The following CLIP1 variants were observed in gnomAD, a reference collection of about 807,000 sequenced individuals.
CLIP1 encodes the protein CAP-Gly domain-containing linker protein 1.
Under a neutral mutation model 161.6 loss-of-function variants are expected in CLIP1, and 66 were observed. The ratio of observed to expected loss-of-function variants is 0.41; its 90% CI spans 0.33 to 0.50. The LOEUF (loss-of-function observed/expected upper bound fraction) is 0.50, where lower values mean the gene tolerates loss of function less well. Among genes scored for constraint, CLIP1 ranks in the 20% least tolerant of loss-of-function variants. CLIP1 has a pLI of 0.27. For missense variants in CLIP1, 1,376 were observed against 1,702.0 expected (o/e 0.81, Z 3.37); for synonymous variants, 598 against 626.2 (o/e 0.96, Z 0.67).
At chr12:122,322,683 GTTGA>G (rs1049943365) in intron 17 of CLIP1, 3 of 152,708 alleles carry the variant, frequency 2.0e-5, no homozygotes, top group African/African-American at 7.2e-5. Context: ...CTCCCGTGAA[GTTGA>G]TTGTTTTCGT....
intron 1 of CLIP1, among the ~76,000 whole-genome samples, chr12:122,410,738 C>T (rs1262237901): frequency 6.6e-6 from 1 of 152,070 alleles, no homozygotes; most frequent in Non-Finnish European, 1.5e-5. Context: ...GGATTACAGG[C>T]GTGAGCCACC....
At chr12:122,338,292 G>A (rs1009962811) in intron 11 of CLIP1, among the ~76,000 whole-genome samples, 2 of 152,088 alleles carry the variant, frequency 1.3e-5, no homozygotes, top group Non-Finnish European at 2.9e-5. Flanking sequence ...GAGGGTGACA[G>A]AACGAGACTC....
At chr12:122,390,175 A>ATATATATATAT (rs1286068924) in intron 1 of CLIP1, among the ~76,000 whole-genome samples, 1 of 58,500 alleles carries the variant, frequency 1.7e-5, no homozygotes, top group African/African-American at 2.1e-4. Flanking sequence ...AGTCTCAGAT[A>ATATATATATAT]TATATATATA....
upstream of CLIP1, chr12:122,422,725 GCCGGC>G (rs1188075566): frequency 2.0e-4 from 27 of 137,878 alleles, no homozygotes; most frequent in South Asian, 6.8e-4. Flanking sequence ...CGCCCGCCCG[GCCGGC>G]CCGGCCGGCC....
intron 21 of CLIP1, among the ~76,000 whole-genome samples, chr12:122,282,330 G>A (rs1364271733): frequency 6.6e-6 from 1 of 151,888 alleles, no homozygotes; most frequent in Non-Finnish European, 1.5e-5. Flanking sequence ...ATCGTATTAA[G>A]CCATTAGCTG....
intron 20 of CLIP1, among the ~76,000 whole-genome samples, chr12:122,292,491 G>A (rs978646729): frequency 6.6e-6 from 1 of 151,928 alleles, no homozygotes; most frequent in Admixed American, 6.6e-5. Flanking sequence ...TTGCTTTTTG[G>A]TACACAAAAT....
chr12:122,276,382 CCA>C (rs71082959), intron 24 of CLIP1: 46,654 of 947,008 alleles, frequency 0.049, no homozygotes, highest in Admixed American at 0.059. Context: ...TAGTGGGAAA[CCA>C]CACACACACA....
intron 1 of CLIP1, among the ~76,000 whole-genome samples, chr12:122,388,977 T>G (rs1224821091): frequency 6.6e-6 from 1 of 152,170 alleles, no homozygotes; most frequent in African/African-American, 2.4e-5. Context: ...ACAACTGACT[T>G]CCCCAACACC....
intron 20 of CLIP1, among the ~76,000 whole-genome samples, chr12:122,298,533 G>A (rs934079620): frequency 6.6e-6 from 1 of 151,462 alleles, no homozygotes; most frequent in Non-Finnish European, 1.5e-5. Flanking sequence ...GAACCCATGA[G>A]GCAGAGGTTG....
intron 1 of CLIP1, among the ~76,000 whole-genome samples, chr12:122,387,355 A>ATCAG (rs1297648333): frequency 6.6e-6 from 1 of 151,996 alleles, no homozygotes; most frequent in East Asian, 1.9e-4. Flanking sequence ...GTACAAAAGC[A>ATCAG]ATGGTGGATA....
chr12:122,357,539 C>G, intron 5 of CLIP1, among the ~76,000 whole-genome samples: 1 of 147,134 alleles, frequency 6.8e-6, no homozygotes, highest in Admixed American at 6.7e-5. Flanking sequence ...GGCCAGCCGC[C>G]CCGTCCGGGA....
At chr12:122,387,994 C>A (rs952759021) in intron 1 of CLIP1, among the ~76,000 whole-genome samples, 18 of 152,140 alleles carry the variant, frequency 1.2e-4, no homozygotes, top group African/African-American at 3.1e-4. Flanking sequence ...CTTTAGAGAT[C>A]TCATTCGTTT....
At chr12:122,346,701 C>T (rs1366251120) in intron 10 of CLIP1, among the ~76,000 whole-genome samples, 3 of 152,112 alleles carry the variant, frequency 2.0e-5, no homozygotes, top group African/African-American at 7.2e-5. Flanking sequence ...CAGGGTTTCA[C>T]CATGTTGGCC....
intron 3 of CLIP1, among the ~76,000 whole-genome samples, chr12:122,376,613 C>T (rs900418251): frequency 8.6e-5 from 13 of 151,744 alleles, no homozygotes; most frequent in African/African-American, 3.2e-4. Flanking sequence ...ACTACAGGCG[C>T]ATGCCACCAT....
At chr12:122,324,180 C>T (rs1320485712) in intron 17 of CLIP1, 3 of 152,678 alleles carry the variant, frequency 2.0e-5, no homozygotes, top group South Asian at 2.1e-4. Context: ...GTTTCATTCA[C>T]TGACCACAGT....
intron 9 of CLIP1, among the ~76,000 whole-genome samples, chr12:122,350,168 G>C (rs1405519450): frequency 6.6e-6 from 1 of 152,124 alleles, no homozygotes; most frequent in African/African-American, 2.4e-5. Context: ...ACCTCCCAAA[G>C]TGCTGGGATT....
intron 10 of CLIP1, chr12:122,343,036 T>C (rs1952576274): frequency 6.6e-6 from 1 of 151,994 alleles, no homozygotes; most frequent in African/African-American, 2.4e-5. Flanking sequence ...TGGACAGCAC[T>C]TGCATAAAAG....
intron 5 of CLIP1, among the ~76,000 whole-genome samples, chr12:122,358,186 A>C (rs920971704): frequency 1.3e-5 from 2 of 151,698 alleles, no homozygotes; most frequent in East Asian, 1.9e-4. Context: ...ACTCAGGGTT[A>C]AATGGATTAA....
At chr12:122,331,118 G>A (rs1951944764) in intron 15 of CLIP1, among the ~76,000 whole-genome samples, 1 of 151,854 alleles carries the variant, frequency 6.6e-6, no homozygotes, top group African/African-American at 2.4e-5. Flanking sequence ...GGGTCCAACT[G>A]ATTCTCCTGC....
Sources: gnomAD v4.1 joint callset for allele counts (sites outside exome capture counted in the v4.1 genomes callset) on GRCh38, gnomAD v4.1.1 for gene constraint, MANE v1.5 for transcripts, NCBI Gene and HGNC (gene_info 2026-07-23, HGNC 2026-07-21) for gene names.